Variants in RSBN1L observed in about 807,000 individuals in gnomAD.
RSBN1L encodes round spermatid basic protein 1 like, also known as lysine-specific demethylase RSBN1L.
Under a neutral mutation model 67.7 loss-of-function variants are expected in RSBN1L, and 30 were observed. That is an observed-to-expected ratio of 0.44 (90% CI 0.33 to 0.60). The LOEUF (loss-of-function observed/expected upper bound fraction) is 0.60, where lower values mean the gene tolerates loss of function less well. Among genes scored for constraint, RSBN1L ranks in the 20% least tolerant of loss-of-function variants. RSBN1L has a pLI of 0.02. For synonymous variants in RSBN1L, 433 were observed against 387.0 expected (o/e 1.12, Z -1.39); for missense variants, 992 against 1,031.7 (o/e 0.96, Z 0.53).
intron 1 of RSBN1L, among the ~76,000 whole-genome samples, chr7:77,720,827 G>A (rs1791107938): frequency 7.6e-6 from 1 of 131,542 alleles, no homozygotes; most frequent in Admixed American, 8.8e-5. Context: ...GTGCAGTGGT[G>A]TGATCCTGGC....
intron 1 of RSBN1L, among the ~76,000 whole-genome samples, chr7:77,703,105 C>T (rs1474197057): frequency 1.3e-5 from 2 of 152,128 alleles, no homozygotes; most frequent in Admixed American, 1.3e-4. Context: ...TCTTGTCATT[C>T]ATTTCATAAG....
At chr7:77,709,053 T>C (rs1459312711) in intron 1 of RSBN1L, among the ~76,000 whole-genome samples, 1 of 152,144 alleles carries the variant, frequency 6.6e-6, no homozygotes, top group African/African-American at 2.4e-5. Context: ...TGTAGGCAGG[T>C]ACCTTATATT....
intron 3 of RSBN1L, among the ~76,000 whole-genome samples, chr7:77,755,001 C>T (rs1440733212): frequency 6.6e-6 from 1 of 152,106 alleles, no homozygotes; most frequent in African/African-American, 2.4e-5. Flanking sequence ...TATATATTCA[C>T]AAAATATAGT....
At chr7:77,730,624 C>T (rs995242282) in intron 1 of RSBN1L, among the ~76,000 whole-genome samples, 1 of 152,172 alleles carries the variant, frequency 6.6e-6, no homozygotes, top group African/African-American at 2.4e-5. Context: ...TTGCCTTTTC[C>T]ACAGCGTCAT....
At chr7:77,766,510 A>G (rs1487968004) in intron 4 of RSBN1L, among the ~76,000 whole-genome samples, 4 of 149,584 alleles carry the variant, frequency 2.7e-5, no homozygotes, top group Non-Finnish European at 5.9e-5. Context: ...AATAGTTTGT[A>G]GCCAGATTCC....
At chr7:77,703,477 G>GTTGTTTTTTTT (rs1790845776) in intron 1 of RSBN1L, among the ~76,000 whole-genome samples, 2 of 61,574 alleles carry the variant, frequency 3.2e-5, no homozygotes, top group African/African-American at 1.4e-4. Context: ...TACTGTTTGG[G>GTTGTTTTTTTT]TTTTTTTTTT....
At chr7:77,733,592 T>A (rs927151719) in intron 1 of RSBN1L, among the ~76,000 whole-genome samples, 1 of 151,976 alleles carries the variant, frequency 6.6e-6, no homozygotes, top group South Asian at 2.1e-4. Flanking sequence ...TTAAATAAAT[T>A]AAATATATTC....
intron 1 of RSBN1L, among the ~76,000 whole-genome samples, chr7:77,705,076 T>G (rs73372281): frequency 0.12 from 17,558 of 152,120 alleles, 1,537 homozygotes; most frequent in African/African-American, 0.24. Flanking sequence ...ATCTCCAATA[T>G]CTTAACCCCC....
At chr7:77,697,531 C>T (rs1056566883) in intron 1 of RSBN1L, among the ~76,000 whole-genome samples, 4 of 152,122 alleles carry the variant, frequency 2.6e-5, no homozygotes, top group African/African-American at 7.2e-5. Flanking sequence ...CTGGCGTCAG[C>T]TGGAAGCTAC....
chr7:77,743,679 C>A (rs190366756), intron 2 of RSBN1L, among the ~76,000 whole-genome samples: 1 of 149,212 alleles, frequency 6.7e-6, no homozygotes, highest in Non-Finnish European at 1.5e-5. Context: ...AATATACTTT[C>A]ACTCAAATGA....
At chr7:77,759,982 C>G (rs1362811600) in intron 3 of RSBN1L, among the ~76,000 whole-genome samples, 2 of 152,086 alleles carry the variant, frequency 1.3e-5, no homozygotes, top group Non-Finnish European at 2.9e-5. Flanking sequence ...TGGGAAACAG[C>G]AGGTTGTTTC....
chr7:77,771,262 C>T (rs372645713), intron 5 of RSBN1L, among the ~76,000 whole-genome samples: 17 of 151,882 alleles, frequency 1.1e-4, no homozygotes, highest in Admixed American at 1.3e-4. Context: ...TACCTAAAGA[C>T]GGTTTTAGCT....
intron 1 of RSBN1L, among the ~76,000 whole-genome samples, chr7:77,701,166 A>C (rs1456361845): frequency 8.7e-6 from 1 of 115,368 alleles, no homozygotes; most frequent in African/African-American, 3.8e-5. Context: ...AAAAAAAAAA[A>C]AAAACAACAA....
At chr7:77,699,700 A>G (rs1052655471) in intron 1 of RSBN1L, among the ~76,000 whole-genome samples, 2 of 152,228 alleles carry the variant, frequency 1.3e-5, no homozygotes, top group Non-Finnish European at 2.9e-5. Flanking sequence ...CTCTAAGGCC[A>G]TCTAATCATA....
intron 1 of RSBN1L, among the ~76,000 whole-genome samples, chr7:77,716,665 T>A (rs1219506227): frequency 1.4e-5 from 2 of 139,480 alleles, no homozygotes; most frequent in African/African-American, 2.7e-5. Flanking sequence ...GGTGTCTTGC[T>A]CTGTCACCCA....
rs544038789 is a variant in RSBN1L, at chr7:77,701,199, C to T, written c.586+4144C>T. Among the ~76,000 whole-genome samples, 16 of 147,212 alleles carry T rather than the reference C, an allele frequency of 1.1e-4. No homozygotes were observed. In the East Asian group the frequency reaches 1.4e-3, roughly 13 times the overall value. ...CAACAACAACAACAACAAAAAAAAACGACATCCCTTCTGTAGCTGTCCTTA... is the reference window on the plus strand; with the variant it reads ...CAACAACAACAACAACAAAAAAAAATGACATCCCTTCTGTAGCTGTCCTTA... On this transcript the variant is annotated intron_variant, in intron 1 of 7. Transcript: ENST00000334955.
intron 1 of RSBN1L, among the ~76,000 whole-genome samples, chr7:77,702,311 T>A (rs963120861): frequency 2.0e-5 from 3 of 152,212 alleles, no homozygotes; most frequent in South Asian, 2.1e-4. Flanking sequence ...CTGTCCTTTG[T>A]TTCAGTATTA....
At chr7:77,737,891 G>T (rs1427456025) in intron 2 of RSBN1L, among the ~76,000 whole-genome samples, 1 of 152,000 alleles carries the variant, frequency 6.6e-6, no homozygotes, top group Non-Finnish European at 1.5e-5. Flanking sequence ...GCATGATGGT[G>T]GACATCTGTA....
chr7:77,778,195 T>C, intron 6 of RSBN1L, 143 bp from the exon 7 acceptor site: 1 of 534,328 alleles, frequency 1.9e-6, no homozygotes. Flanking sequence ...ATATGTGAAA[T>C]GGCTTTCCAA....
Sources: gnomAD v4.1 joint callset for allele counts (sites outside exome capture counted in the v4.1 genomes callset) on GRCh38, gnomAD v4.1.1 for gene constraint, MANE v1.5 for transcripts, NCBI Gene and HGNC (gene_info 2026-07-23, HGNC 2026-07-21) for gene names.